The following LAIR1 variants were observed in gnomAD, a reference collection of about 807,000 sequenced individuals.
LAIR1 encodes leukocyte associated immunoglobulin like receptor 1.
LAIR1 carries 24 observed loss-of-function variants against 32.8 expected under a neutral mutation model. The observed-to-expected ratio is 0.73, with a 90% CI of 0.53 to 1.03. The LOEUF is 1.03. LAIR1 is among the 50% of genes least tolerant of loss of function. The pLI is 0.00. For synonymous variants in LAIR1, 150 were observed against 140.5 expected, an observed-to-expected ratio of 1.07 and a Z score of -0.48; for missense variants, 355 against 347.5, an observed-to-expected ratio of 1.02 and a Z score of -0.17.
chr19:54,360,318 T>TTC (rs2081951089), intron 3 of LAIR1, among the ~76,000 whole-genome samples: 1 of 111,190 alleles, frequency 9.0e-6, no homozygotes, highest in East Asian at 2.5e-4. Context: ...AGGGGACTGC[T>TTC]GAGGTCCTGG....
upstream of LAIR1, among the ~76,000 whole-genome samples, chr19:54,367,961 A>T (rs2082306520): frequency 2.7e-5 from 4 of 150,612 alleles, no homozygotes; most frequent in Admixed American, 2.6e-4. Context: ...TTTAGTAGAG[A>T]CGGGGTTTCA....
chr19:54,368,023 C>T (rs1220555226), upstream of LAIR1, among the ~76,000 whole-genome samples: 3 of 151,828 alleles, frequency 2.0e-5, no homozygotes, highest in South Asian at 2.1e-4. Context: ...CCACCCGCCT[C>T]GGCCTCCCAA....
intron 2 of LAIR1, among the ~76,000 whole-genome samples, chr19:54,363,445 G>T (rs1393829110): frequency 6.6e-6 from 1 of 152,100 alleles, no homozygotes; most frequent in Non-Finnish European, 1.5e-5. Context: ...TGGTTGTGTT[G>T]GGTTTGAATT....
chr19:54,373,399 G>A (rs929197685), upstream of LAIR1, among the ~76,000 whole-genome samples: 9 of 152,114 alleles, frequency 5.9e-5, no homozygotes, highest in East Asian at 5.8e-4. Context: ...AGCCGAGATC[G>A]CGCCACTGCA....
At chr19:54,374,784 G>T (rs2082473295), upstream of LAIR1, among the ~76,000 whole-genome samples, 1 of 152,110 alleles carries the variant, frequency 6.6e-6, no homozygotes, top group Non-Finnish European at 1.5e-5. Context: ...CTCCAGAAAA[G>T]AATCAGCATC....
In LAIR1 at chr19:54,356,489, A is replaced by G. The variant is rs191126908; in HGVS notation, c.583+2T>C. On this transcript the variant is annotated splice_donor_variant, in intron 6 of 9. Transcript: ENST00000391742. LOFTEE classifies it high-confidence loss of function. ...TCACCCCACCCTGCCCCTGAGACCT[A>G]CCCTGCTTTATCTGATTCTGGCGAT... 1.2e-5 allele frequency: 20 copies of G among 1,613,652 alleles called. No individual in the cohort carries two copies. The African/African-American group carries it at 2.4e-4, about 19-fold the overall frequency.
rs760167614 is a variant in LAIR1, at chr19:54,355,309, T to C, written c.823A>G (p.Met275Val). 6.8e-6 allele frequency: 11 copies of C among 1,612,834 alleles called. No homozygotes were observed. The South Asian group carries it at 8.8e-5, about 13-fold the overall frequency. Reference protein sequence around the residue: ...RAVSPQSTKPMAESITYAAVA... With the variant: ...RAVSPQSTKPVAESITYAAVA... ...GCTGCATACGTGATGGACTCGGCCA[T>C]GGGCTTTGTGGACTGTGGGGACACA... Residue 275 changes from methionine to valine, a missense_variant, in exon 10 of 10, where the codon ATG becomes GTG. Physicochemically the swap from Met to Val is conservative, Grantham distance 21. Coordinates refer to ENST00000391742, the MANE Select transcript of LAIR1 (RefSeq NM_002287.6). The surrounding 1 kb of genome is among the most constrained non-coding windows in gnomAD (Gnocchi z 4.7).
chr19:54,367,342 T>C (rs1405103027), upstream of LAIR1, among the ~76,000 whole-genome samples: 2 of 152,154 alleles, frequency 1.3e-5, no homozygotes, highest in Non-Finnish European at 2.9e-5. Flanking sequence ...CATGTTACAG[T>C]CCCTGGTATA....
upstream of LAIR1, among the ~76,000 whole-genome samples, chr19:54,374,892 G>A (rs1242183718): frequency 1.3e-5 from 2 of 151,790 alleles, no homozygotes; most frequent in Non-Finnish European, 2.9e-5. Context: ...AGCATCCACT[G>A]TCCTCAGCCC....
upstream of LAIR1, among the ~76,000 whole-genome samples, chr19:54,371,226 T>G (rs1347447266): frequency 1.3e-5 from 2 of 151,484 alleles, no homozygotes; most frequent in Non-Finnish European, 2.9e-5. Flanking sequence ...CTTGCACTTT[T>G]GTAAATATAG....
chr19:54,362,301 C>T (rs1290452922), intron 2 of LAIR1, among the ~76,000 whole-genome samples: 3 of 152,216 alleles, frequency 2.0e-5, no homozygotes, highest in Non-Finnish European at 2.9e-5. Flanking sequence ...TGACCAGCAT[C>T]TCCCCAAACC....
At position 54,364,788 on chromosome 19, in the gene LAIR1, G is replaced by C; in HGVS notation, c.17C>G (p.Thr6Ser). 1 of 1,614,018 alleles carries C rather than the reference G, an allele frequency of 6.2e-7. No individual in the cohort carries two copies. Among genetic ancestry groups the C allele is most frequent in the Non-Finnish European group, 8.5e-7 (1 of 1,179,914 alleles). Reference protein sequence around the residue: MSPHPTALLGLVLCLA... With the variant: MSPHPSALLGLVLCLA... The stretch of plus-strand genomic sequence containing the variant: ...GGACTCACCTAGGCCCAGGAGGGCG[G>C]TGGGGTGGGGAGACATGGCCCAGGT... Residue 6 changes from threonine to serine, a missense_variant, in exon 1 of 10, where the codon ACC becomes AGC. Thr to Ser is a moderately conservative substitution (Grantham distance 58). Coordinates refer to ENST00000391742, the MANE Select transcript of LAIR1 (RefSeq NM_002287.6). The surrounding 1 kb of genome is among the most constrained non-coding windows in gnomAD (Gnocchi z 4.8).
chr19:54,366,093 G>A (rs1331242833), upstream of LAIR1, among the ~76,000 whole-genome samples: 1 of 152,132 alleles, frequency 6.6e-6, no homozygotes, highest in Admixed American at 6.5e-5. Flanking sequence ...TCACAGCAGG[G>A]AATGGTGGTT....
In LAIR1 at chr19:54,364,546, C is replaced by T. The variant is rs573510127; in HGVS notation, c.35-216G>A. The T allele has an allele frequency of 7.5e-6, 6 of 798,264 alleles. No homozygotes were observed. The highest frequency in any genetic ancestry group is 8.7e-6 in the Non-Finnish European group (4 of 458,292). 49.4% of individuals were successfully genotyped at this position (798,264 alleles called of 1,614,324 possible). A position where few individuals can be genotyped will look rare whatever the true frequency, so the allele number is the denominator to read the frequency against. On this transcript the variant is annotated intron_variant, in intron 1 of 9. Transcript: ENST00000391742. This position sits in a 1 kb window ranked among gnomAD's most constrained non-coding sequence, Gnocchi z 4.8. ...CCTCCTCCAAAAAGGCTCCTGCTCC[C>T]CCAGCCCTTCTTAAAGCTGACCTCA...
At position 54,359,319 on chromosome 19, in the gene LAIR1, C is replaced by T. The variant is rs2081891336; in HGVS notation, c.415+703G>A. 1.3e-5 allele frequency among the ~76,000 whole-genome samples: 2 copies of T among 151,754 alleles called. 1 individual carries two copies. Among genetic ancestry groups the T allele is most frequent in the African/African-American group, 4.9e-5 (2 of 41,006 alleles). On this transcript the variant is annotated intron_variant, in intron 4 of 9. Transcript: ENST00000391742. ...ACAGATCACAGGGGGAGATGGACAA[C>T]TTGAGACCCAGGGACTTGGGGCAGC... is the stretch of plus-strand genomic sequence containing the variant.
chr19:54,364,501 C>T lies in LAIR1; in HGVS notation c.35-171G>A, dbSNP rs1467254230. The T allele has an allele frequency of 6.2e-6, 5 of 809,970 alleles. No homozygotes were observed. The highest frequency in any genetic ancestry group is 1.1e-5 in the Non-Finnish European group (5 of 469,482). 50.2% of individuals were successfully genotyped at this position (809,970 alleles called of 1,614,324 possible). On this transcript the variant is annotated intron_variant, in intron 1 of 9. Transcript: ENST00000391742. This position sits in a 1 kb window ranked among gnomAD's most constrained non-coding sequence, Gnocchi z 4.8. Reference sequence around the variant, plus strand: ...AATCCTTCTTGCTGCAAAATGGTTTCAAGATAAATCCCAAAGTCTCCTCCT... The same window carrying T: ...AATCCTTCTTGCTGCAAAATGGTTTTAAGATAAATCCCAAAGTCTCCTCCT...
In LAIR1 at chr19:54,370,260, A is replaced by T. The variant is rs1459424146; in HGVS notation, c.16+2T>A. 7 of 1,533,084 alleles carry T rather than the reference A, an allele frequency of 4.6e-6. No individual in the cohort carries two copies. In the Admixed American group the frequency reaches 1.4e-4, roughly 30 times the overall value. The allele number at this position is 1,533,084 out of a possible 1,614,324, so 95.0% of individuals were successfully genotyped here. A position where few individuals can be genotyped will look rare whatever the true frequency, so the allele number is the denominator to read the frequency against. Reference sequence around the variant, plus strand: ...GAGGGTGGTGTGGTAGCAGGGACTCACCCATTTCTCTTTCCATCTTCTGTC... The same window carrying T: ...GAGGGTGGTGTGGTAGCAGGGACTCTCCCATTTCTCTTTCCATCTTCTGTC... On this transcript the variant is annotated splice_donor_variant, in intron 1 of 8. Coordinates refer to the LAIR1 transcript ENST00000391743. LOFTEE classifies it high-confidence loss of function.
chr19:54,364,580 C>T lies in LAIR1; in HGVS notation c.34+191G>A. 6.3e-6 allele frequency: 5 copies of T among 798,238 alleles called. No individual in the cohort carries two copies. The highest frequency in any genetic ancestry group is 4.3e-5 in the South Asian group (3 of 70,376). The allele number at this position is 798,238 out of a possible 1,614,324, so 49.4% of individuals were successfully genotyped here. A position where few individuals can be genotyped will look rare whatever the true frequency, so the allele number is the denominator to read the frequency against. On this transcript the variant is annotated intron_variant, in intron 1 of 9. Transcript: ENST00000391742. This position sits in a 1 kb window ranked among gnomAD's most constrained non-coding sequence, Gnocchi z 4.8. The stretch of plus-strand genomic sequence containing the variant: ...TCTTAAAGCTGACCTCATCCCCACA[C>T]CCGGGCCCCTGTTTTTAGGACAAGA...
chr19:54,358,821 G>C (rs1171699501), intron 4 of LAIR1, among the ~76,000 whole-genome samples: 1 of 151,348 alleles, frequency 6.6e-6, no homozygotes, highest in Non-Finnish European at 1.5e-5. Flanking sequence ...TCACCGTCAG[G>C]CATAGAGCCA....
Sources: allele counts gnomAD v4.1 joint callset (sites outside exome capture counted in the v4.1 genomes callset), GRCh38; gene constraint gnomAD v4.1.1; non-coding constraint Gnocchi (gnomAD v3.1); transcripts MANE v1.5; gene names NCBI Gene and HGNC (gene_info 2026-07-23, HGNC 2026-07-21).